Variants in SEC23B observed in about 807,000 individuals in gnomAD.
The protein encoded by SEC23B is protein transport protein Sec23B.
Under a neutral mutation model 104.3 loss-of-function variants are expected in SEC23B, and 77 were observed. That is an observed-to-expected ratio of 0.74 (90% CI 0.61 to 0.89). SEC23B has a LOEUF of 0.89. SEC23B is among the 40% of genes least tolerant of loss of function. SEC23B has a pLI of 0.00. For synonymous variants in SEC23B, 338 were observed against 332.5 expected, an observed-to-expected ratio of 1.02 and a Z score of -0.18; for missense variants, 885 against 949.4, an observed-to-expected ratio of 0.93 and a Z score of 0.89.
chr20:18,526,505 G>A lies in SEC23B; in HGVS notation c.967G>A (p.Ala323Thr). ...TTGGCATGATATTGAGAAAGATAAT[G>A]CACGATTCATGAAAAAGGCAACCAA... ...RSWHDIEKDN[A>T]RFMKKATKHY... Residue 323 changes from alanine (A) to threonine (T), a missense_variant, in exon 8 of 20, where the codon GCA (alanine) becomes ACA (threonine). Physicochemically the swap from Ala to Thr is moderately conservative, Grantham distance 58 (BLOSUM62 0). Transcript: ENST00000650089. 1 of 1,614,142 alleles carries A rather than the reference G, an allele frequency of 6.2e-7. No homozygotes were observed. The highest frequency in any genetic ancestry group is 8.5e-7 in the Non-Finnish European group (1 of 1,180,018).
At chr20:18,518,311 T>C (rs1305780806) in intron 4 of SEC23B, among the ~76,000 whole-genome samples, 1 of 152,198 alleles carries the variant, frequency 6.6e-6, no homozygotes, top group Non-Finnish European at 1.5e-5. Flanking sequence ...TTTAGTTTCC[T>C]GACTCAGGGC....
At position 18,551,066 on chromosome 20, in the gene SEC23B, T is replaced by A. The variant is rs376582485; in HGVS notation, c.1906-23T>A. On this transcript the variant is annotated intron_variant, in intron 16 of 19. Coordinates refer to ENST00000650089, the MANE Select transcript of SEC23B (RefSeq NM_006363.6). ...TGGGGAGCAGGGAAGACCAATGCCA[T>A]CTTTCTCTCTCTTTTTCTTCAGCCA... is the stretch of plus-strand genomic sequence containing the variant. 3 of 1,533,160 alleles carry A rather than the reference T, an allele frequency of 2.0e-6. No homozygotes were observed. In the African/African-American group the frequency reaches 4.1e-5, roughly 21 times the overall value. 95.0% of individuals were successfully genotyped at this position (1,533,160 alleles called of 1,614,324 possible).
At chr20:18,530,262 T>C (rs1460669334) in intron 9 of SEC23B, among the ~76,000 whole-genome samples, 1 of 151,926 alleles carries the variant, frequency 6.6e-6, no homozygotes, top group East Asian at 1.9e-4. Flanking sequence ...TTAATTTTTT[T>C]TTTGTTTGAG....
chr20:18,552,010 G>C (rs1223270721), intron 17 of SEC23B, among the ~76,000 whole-genome samples: 1 of 152,034 alleles, frequency 6.6e-6, no homozygotes, highest in Non-Finnish European at 1.5e-5. Context: ...TTTCTCAGTG[G>C]GGTTCATGCC....
intron 4 of SEC23B, among the ~76,000 whole-genome samples, chr20:18,523,773 T>A (rs1321202931): frequency 6.6e-6 from 1 of 151,658 alleles, no homozygotes; most frequent in African/African-American, 2.4e-5. Context: ...GGTACAACCA[T>A]AGCTTACTGC....
chr20:18,526,664 T>G (rs1205550918), intron 8 of SEC23B, 133 bp downstream of exon 8: 5 of 942,194 alleles, frequency 5.3e-6, no homozygotes, highest in African/African-American at 3.2e-5. Flanking sequence ...AGTTTTCCAA[T>G]CTTAGCTGCT....
chr20:18,518,200 T>A (rs867774776), intron 4 of SEC23B, among the ~76,000 whole-genome samples: 2 of 152,318 alleles, frequency 1.3e-5, no homozygotes, highest in Middle Eastern at 6.8e-3. Flanking sequence ...CAAGGAATTA[T>A]GTCTGACAAA....
intron 4 of SEC23B, among the ~76,000 whole-genome samples, chr20:18,518,817 C>T (rs779589612): frequency 3.9e-5 from 6 of 151,918 alleles, no homozygotes; most frequent in Admixed American, 6.6e-5. Context: ...GTGTATGACT[C>T]CTGCTTCCTT....
chr20:18,529,538 C>T (rs6081184), intron 9 of SEC23B, among the ~76,000 whole-genome samples: 9 of 151,592 alleles, frequency 5.9e-5, no homozygotes, highest in Admixed American at 5.9e-4. Flanking sequence ...GTCATCATTA[C>T]GGGCTGAGGC....
chr20:18,526,803 G>T (rs1600243917), intron 8 of SEC23B, among the ~76,000 whole-genome samples: 1 of 152,210 alleles, frequency 6.6e-6, no homozygotes, highest in East Asian at 1.9e-4. Context: ...TTCCAGGCCA[G>T]TCCCGGTGGC....
intron 12 of SEC23B, among the ~76,000 whole-genome samples, chr20:18,539,151 G>T (rs62216403): frequency 0.67 from 99,003 of 148,598 alleles, 34,511 homozygotes; most frequent in Non-Finnish European, 0.79. Flanking sequence ...GATGGAGGTT[G>T]CAGTGAGCCG....
At chr20:18,510,420 G>A (rs1005761245) in intron 1 of SEC23B, among the ~76,000 whole-genome samples, 1 of 152,224 alleles carries the variant, frequency 6.6e-6, no homozygotes, top group Non-Finnish European at 1.5e-5. Flanking sequence ...AGATGGAAAA[G>A]AAATACTGTC....
chr20:18,520,777 T>A (rs1568602368), intron 4 of SEC23B, among the ~76,000 whole-genome samples: 2 of 152,040 alleles, frequency 1.3e-5, no homozygotes, highest in Admixed American at 6.6e-5. Context: ...GGCGACGGAC[T>A]TACTCTCCAC....
chr20:18,547,026 C>A (rs2060339098), intron 15 of SEC23B, among the ~76,000 whole-genome samples: 1 of 151,844 alleles, frequency 6.6e-6, no homozygotes, highest in Non-Finnish European at 1.5e-5. Context: ...CTGTGTACCA[C>A]CCCCACACTG....
intron 14 of SEC23B, among the ~76,000 whole-genome samples, chr20:18,543,424 T>C (rs2060306922): frequency 6.6e-6 from 1 of 152,152 alleles, no homozygotes; most frequent in Non-Finnish European, 1.5e-5. Context: ...GTGGGTTGAG[T>C]TGACTTAGAT....
intron 17 of SEC23B, among the ~76,000 whole-genome samples, chr20:18,552,608 G>A (rs1213786362): frequency 6.6e-6 from 1 of 152,200 alleles, no homozygotes; most frequent in Non-Finnish European, 1.5e-5. Context: ...GAGGTCAGGA[G>A]TTCAAGACCA....
chr20:18,542,665 C>T (rs554235438), intron 13 of SEC23B, among the ~76,000 whole-genome samples: 2 of 152,232 alleles, frequency 1.3e-5, no homozygotes, highest in African/African-American at 2.4e-5. Context: ...GAGACAGTCT[C>T]GCTCTGTTGC....
At chr20:18,558,511 C>G (rs1323143625) in intron 19 of SEC23B, among the ~76,000 whole-genome samples, 1 of 152,172 alleles carries the variant, frequency 6.6e-6, no homozygotes, top group African/African-American at 2.4e-5. Flanking sequence ...TTCACCTGCT[C>G]TCTTTTCTTT....
intron 15 of SEC23B, among the ~76,000 whole-genome samples, chr20:18,547,935 A>AT (rs1792592384): frequency 6.6e-6 from 1 of 151,372 alleles, no homozygotes; most frequent in East Asian, 1.9e-4. Flanking sequence ...AAAATTTTGT[A>AT]TTTTTTTAAA....
Sources: gnomAD v4.1 joint callset for allele counts (sites outside exome capture counted in the v4.1 genomes callset) on GRCh38, gnomAD v4.1.1 for gene constraint, MANE v1.5 for transcripts, NCBI Gene and HGNC (gene_info 2026-07-23, HGNC 2026-07-21) for gene names.